PIP4K2A: variants seen among roughly 807,000 people sequenced by gnomAD.
PIP4K2A encodes the protein phosphatidylinositol 5-phosphate 4-kinase type-2 alpha.
A neutral mutation model predicts 42.9 loss-of-function variants in PIP4K2A; 14 were observed. The ratio of observed to expected loss-of-function variants is 0.33; its 90% CI spans 0.22 to 0.51. The LOEUF is 0.51. Among genes scored for constraint, PIP4K2A ranks in the 20% least tolerant of loss-of-function variants. The pLI is 0.97. For synonymous variants in PIP4K2A, 192 were observed against 192.2 expected (o/e 1.00, Z 0.01); for missense variants, 434 against 519.8 (o/e 0.83, Z 1.61).
chr10:22,552,769 T>TTC lies in PIP4K2A; in HGVS notation c.679-1999_679-1998dup, dbSNP rs1478468668. ...TTTTCCCAGCAGACACCTTGGGCAT[T>TTC]TCTGTGTCATTATGTGTTGGCGATG... On this transcript the variant is annotated intron_variant, in intron 6 of 9. Transcript: ENST00000376573. Among the ~76,000 whole-genome samples the TTC allele has an allele frequency of 1.3e-4, 20 of 152,118 alleles. 1 individual carries two copies. The highest frequency in any genetic ancestry group is 1.1e-3 in the Admixed American group (17 of 15,266).
chr10:22,600,136 A>G (rs74121813), intron 3 of PIP4K2A, among the ~76,000 whole-genome samples: 10 of 151,688 alleles, frequency 6.6e-5, no homozygotes, highest in African/African-American at 2.4e-4. Flanking sequence ...GCATTTTTTA[A>G]ACAACCAAGC....
At chr10:22,586,527 A>G (rs1206129632) in intron 4 of PIP4K2A, among the ~76,000 whole-genome samples, 1 of 152,186 alleles carries the variant, frequency 6.6e-6, no homozygotes, top group Non-Finnish European at 1.5e-5. Context: ...TCACTCATTT[A>G]GCACTTCTTT....
intron 1 of PIP4K2A, among the ~76,000 whole-genome samples, chr10:22,674,523 C>CT (rs925210847): frequency 2.0e-5 from 3 of 151,092 alleles, no homozygotes; most frequent in Non-Finnish European, 4.4e-5. Context: ...TGTACATCTA[C>CT]TTTATGCCAG....
intron 3 of PIP4K2A, among the ~76,000 whole-genome samples, chr10:22,604,907 GC>G (rs1244018926): frequency 6.6e-6 from 1 of 152,186 alleles, no homozygotes; most frequent in East Asian, 1.9e-4. Flanking sequence ...CCAGGTCCTG[GC>G]CCCTGCCCGC....
chr10:22,660,817 C>CAA (rs1276360391), intron 1 of PIP4K2A, among the ~76,000 whole-genome samples: 8 of 139,642 alleles, frequency 5.7e-5, no homozygotes, highest in Admixed American at 1.4e-4. Context: ...TACTTTAAAG[C>CAA]AAAAAAAAAA....
Position 22,541,731 on chromosome 10 carries a change from G to C in PIP4K2A, c.1036+73C>G, listed in dbSNP as rs951427242. 1.6e-5 allele frequency: 24 copies of C among 1,479,442 alleles called. No individual in the cohort carries two copies. The Admixed American group carries it at 1.7e-4, about 11-fold the overall frequency. The allele number at this position is 1,479,442 out of a possible 1,614,324, so 91.6% of individuals were successfully genotyped here. ...GCAGCACCCTCATAACTGGGGTAGT[G>C]CTTACTGGTAGATAACAAGGCCAAA... On this transcript the variant is annotated intron_variant, in intron 8 of 9. Transcript: ENST00000376573.
At chr10:22,566,443 T>C (rs145876394) in intron 6 of PIP4K2A, among the ~76,000 whole-genome samples, 12 of 152,284 alleles carry the variant, frequency 7.9e-5, no homozygotes, top group African/African-American at 2.2e-4. Context: ...AACCAGAAAC[T>C]TGGGGGTCAT....
chr10:22,536,349 G>C lies in PIP4K2A; in HGVS notation c.*852C>G. On this transcript the variant is annotated 3_prime_UTR_variant, in exon 10 of 10. Coordinates refer to ENST00000376573, the MANE Select transcript of PIP4K2A (RefSeq NM_005028.5). The stretch of plus-strand genomic sequence containing the variant: ...AATTCCTATATTGCAACGTAAGGGT[G>C]AACAATGAAGGCTCCAGGCAAGAAA... 3.3e-6 allele frequency: 1 copy of C among 306,716 alleles called. No individual in the cohort carries two copies. Among genetic ancestry groups the C allele is most frequent in the Non-Finnish European group, 5.4e-6 (1 of 183,490 alleles). 19.0% of individuals were successfully genotyped at this position (306,716 alleles called of 1,614,324 possible). A position where few individuals can be genotyped will look rare whatever the true frequency, so the allele number is the denominator to read the frequency against.
chr10:22,608,155 T>C lies in PIP4K2A; in HGVS notation c.243-132A>G, dbSNP rs114661861. ...CTACCAAAAGCACAGGTGTGCTTCCTAGAACCAGGTACAACCCGCAGAAAG... is the reference window on the plus strand; with the variant it reads ...CTACCAAAAGCACAGGTGTGCTTCCCAGAACCAGGTACAACCCGCAGAAAG... On this transcript the variant is annotated intron_variant, in intron 2 of 9. Coordinates refer to ENST00000376573, the MANE Select transcript of PIP4K2A (RefSeq NM_005028.5). The C allele has an allele frequency of 4.8e-4, 276 of 569,126 alleles. 1 individual carries two copies. In the African/African-American group the frequency reaches 4.9e-3, roughly 10 times the overall value. 35.3% of individuals were successfully genotyped at this position (569,126 alleles called of 1,614,324 possible). A position where few individuals can be genotyped will look rare whatever the true frequency, so the allele number is the denominator to read the frequency against.
intron 1 of PIP4K2A, chr10:22,713,943 C>A (rs1833961570): frequency 2.7e-6 from 1 of 371,778 alleles, no homozygotes; most frequent in Non-Finnish European, 4.9e-6. Context: ...CACATGCACA[C>A]GGGACCCCCG....
chr10:22,593,129 A>T (rs1451949992), intron 3 of PIP4K2A, among the ~76,000 whole-genome samples: 1 of 152,212 alleles, frequency 6.6e-6, no homozygotes, highest in Non-Finnish European at 1.5e-5. Context: ...GGGTTTACGC[A>T]GGCCCTACCT....
At chr10:22,633,421 T>C (rs1372605609) in intron 1 of PIP4K2A, among the ~76,000 whole-genome samples, 1 of 152,194 alleles carries the variant, frequency 6.6e-6, no homozygotes, top group Non-Finnish European at 1.5e-5. Flanking sequence ...TCCTCTGCTC[T>C]TTTTATTTTA....
At chr10:22,602,830 T>C (rs1239491519) in intron 3 of PIP4K2A, among the ~76,000 whole-genome samples, 3 of 152,154 alleles carry the variant, frequency 2.0e-5, no homozygotes, top group African/African-American at 7.2e-5. Context: ...GGATTACAGG[T>C]GTGGCCACTG....
chr10:22,664,192 C>A (rs11591770), intron 1 of PIP4K2A, among the ~76,000 whole-genome samples: 1 of 55,494 alleles, frequency 1.8e-5, no homozygotes, highest in Non-Finnish European at 3.0e-5. Flanking sequence ...CATATATATA[C>A]ATATATATAT....
intron 1 of PIP4K2A, among the ~76,000 whole-genome samples, chr10:22,624,826 T>C (rs1838402713): frequency 6.6e-6 from 1 of 152,192 alleles, no homozygotes; most frequent in Admixed American, 6.5e-5. Flanking sequence ...ATATTTCCAC[T>C]GTTTTGTTAT....
rs1338119337 is a variant in PIP4K2A, at chr10:22,537,221, T to C, written c.1201A>G (p.Ile401Val). 2.5e-6 allele frequency: 4 copies of C among 1,606,250 alleles called. No individual in the cohort carries two copies. Among genetic ancestry groups the C allele is most frequent in the Non-Finnish European group, 2.6e-6 (3 of 1,175,544 alleles). ...GGAGGTTACGTCAAGATGTGGCCAA[T>C]AAAGTCCAAAAAGCGCTTTGAATAC... ...EQYSKRFLDF[I>V]GHILT is the part of the protein sequence containing the mutation. The change falls in exon 10 of 10, where the codon ATT (isoleucine) becomes GTT (valine). Residue 401 changes from isoleucine (I) to valine (V), a missense_variant. Transcript: ENST00000376573.
intron 7 of PIP4K2A, among the ~76,000 whole-genome samples, chr10:22,546,814 G>T (rs1309522990): frequency 6.6e-6 from 1 of 152,194 alleles, no homozygotes; most frequent in Non-Finnish European, 1.5e-5. Context: ...AGAGAAGACA[G>T]AAAGGGGGCG....
intron 3 of PIP4K2A, among the ~76,000 whole-genome samples, chr10:22,606,690 G>A (rs1025066000): frequency 6.6e-6 from 1 of 152,206 alleles, no homozygotes; most frequent in African/African-American, 2.4e-5. Context: ...AGGGTAAGCT[G>A]TATCAGTACT....
intron 9 of PIP4K2A, among the ~76,000 whole-genome samples, chr10:22,538,239 T>C (rs934449116): frequency 1.3e-5 from 2 of 152,198 alleles, no homozygotes; most frequent in African/African-American, 4.8e-5. Context: ...AGCGTTCCTT[T>C]GCTGACAGTA....
Sources: allele counts gnomAD v4.1 joint callset (sites outside exome capture counted in the v4.1 genomes callset), GRCh38; gene constraint gnomAD v4.1.1; transcripts MANE v1.5; gene names NCBI Gene and HGNC (gene_info 2026-07-23, HGNC 2026-07-21).